Variants in PADI4 observed in about 807,000 individuals in gnomAD.
The protein encoded by PADI4 is peptidyl arginine deiminase 4, also known as protein-arginine deiminase type-4.
A neutral mutation model predicts 75.0 loss-of-function variants in PADI4; 62 were observed. The ratio of observed to expected loss-of-function variants is 0.83; its 90% CI spans 0.67 to 1.02. The LOEUF (loss-of-function observed/expected upper bound fraction) is 1.02. Ranked by LOEUF, PADI4 falls within the 50% of genes least tolerant of loss-of-function variation. PADI4 has a pLI of 0.00. For missense variants in PADI4, 845 were observed against 850.5 expected, an observed-to-expected ratio of 0.99 and a Z score of 0.08; for synonymous variants, 361 against 348.1, an observed-to-expected ratio of 1.04 and a Z score of -0.41.
Position 17,356,268 on chromosome 1 carries a change from T to A in PADI4, c.1456-89T>A. 1 of 1,256,948 alleles carries A rather than the reference T, an allele frequency of 8.0e-7. No homozygotes were observed. The highest frequency in any genetic ancestry group is 1.4e-5 in the South Asian group (1 of 71,996). The allele number at this position is 1,256,948 out of a possible 1,614,324, so 77.9% of individuals were successfully genotyped here. A position where few individuals can be genotyped will look rare whatever the true frequency, so the allele number is the denominator to read the frequency against. On this transcript the variant is annotated intron_variant, in intron 12 of 15. Transcript: ENST00000375448. The surrounding 1 kb of genome is among the most constrained non-coding windows in gnomAD (Gnocchi z 4.1). Reference sequence around the variant, plus strand: ...AGGAGGTGGCCAGCTTGGGTCCAAGTCCACACTACTCCCACCCTCAGCAGA... The same window carrying A: ...AGGAGGTGGCCAGCTTGGGTCCAAGACCACACTACTCCCACCCTCAGCAGA...
At chr1:17,315,382 G>T (rs539157121) in intron 1 of PADI4, among the ~76,000 whole-genome samples, 60 of 152,310 alleles carry the variant, frequency 3.9e-4, no homozygotes, top group African/African-American at 1.3e-3. Context: ...AGCAGGAAGG[G>T]TGTCATTCCT....
chr1:17,316,732 A>AATTAAAAT (rs2073946875), intron 1 of PADI4, among the ~76,000 whole-genome samples: 1 of 148,312 alleles, frequency 6.7e-6, no homozygotes. Flanking sequence ...TTAATTAATT[A>AATTAAAAT]AAATAAATAA....
chr1:17,362,938 T>G (rs1233616857), intron 15 of PADI4, among the ~76,000 whole-genome samples: 1 of 152,186 alleles, frequency 6.6e-6, no homozygotes, highest in Non-Finnish European at 1.5e-5. Flanking sequence ...GCAATTCTCC[T>G]GCCTCAGCCT....
At position 17,346,289 on chromosome 1, in the gene PADI4, G is replaced by C; in HGVS notation, c.1047+150G>C. 1.7e-6 allele frequency: 1 copy of C among 600,400 alleles called. No homozygotes were observed. Among genetic ancestry groups the C allele is most frequent in the South Asian group, 2.0e-5 (1 of 49,178 alleles). The allele number at this position is 600,400 out of a possible 1,614,324, so 37.2% of individuals were successfully genotyped here. Reference sequence around the variant, plus strand: ...TAGGAACCTGAGAGATCCTTGGGCCGGGAGGCTCAAGCAAGTGATTCATCT... The same window carrying C: ...TAGGAACCTGAGAGATCCTTGGGCCCGGAGGCTCAAGCAAGTGATTCATCT... On this transcript the variant is annotated intron_variant, in intron 9 of 15. Coordinates refer to ENST00000375448, the MANE Select transcript of PADI4 (RefSeq NM_012387.3). This position sits in a 1 kb window ranked among gnomAD's most constrained non-coding sequence, Gnocchi z 4.3.
chr1:17,337,381 G>A (rs1158309882), intron 4 of PADI4, among the ~76,000 whole-genome samples: 4 of 152,024 alleles, frequency 2.6e-5, no homozygotes, highest in Non-Finnish European at 5.9e-5. Flanking sequence ...CCTGACCTCA[G>A]GTGATCTGCC....
At chr1:17,349,738 C>CA (rs138371637) in intron 10 of PADI4, among the ~76,000 whole-genome samples, 8,586 of 104,698 alleles carry the variant, frequency 0.082, 1,423 homozygotes, top group African/African-American at 0.23. Context: ...GAAAAAACAA[C>CA]AACAAAAAAC....
At chr1:17,348,136 G>A (rs192760064) in intron 10 of PADI4, 88 bp downstream of exon 10, 25 of 804,954 alleles carry the variant, frequency 3.1e-5, no homozygotes, top group Middle Eastern at 4.5e-4. Flanking sequence ...CCCCGCCCGC[G>A]CCTGTAGCTG....
At chr1:17,319,571 C>T (rs1462278611) in intron 1 of PADI4, among the ~76,000 whole-genome samples, 2 of 152,080 alleles carry the variant, frequency 1.3e-5, no homozygotes, top group Non-Finnish European at 2.9e-5. Flanking sequence ...TATTAGTTTC[C>T]TATTTGTTAA....
intron 4 of PADI4, among the ~76,000 whole-genome samples, chr1:17,336,578 C>T (rs1038860481): frequency 9.9e-5 from 15 of 152,072 alleles, no homozygotes; most frequent in Non-Finnish European, 2.1e-4. Flanking sequence ...TTCTGCAGAG[C>T]TGTCTACATG....
At chr1:17,351,363 G>A (rs1230422450) in intron 10 of PADI4, among the ~76,000 whole-genome samples, 1 of 151,362 alleles carries the variant, frequency 6.6e-6, no homozygotes, top group African/African-American at 2.4e-5. Context: ...GGCCAAGGCT[G>A]GTGGATTACT....
chr1:17,330,098 G>A (rs2074182705), intron 1 of PADI4, among the ~76,000 whole-genome samples: 1 of 152,196 alleles, frequency 6.6e-6, no homozygotes, highest in African/African-American at 2.4e-5. Context: ...ACAGTGGCGT[G>A]GTGGAAACCT....
In PADI4 at chr1:17,346,203, C is replaced by T; in HGVS notation, c.1047+64C>T. Reference sequence around the variant, plus strand: ...AGGGCCAAGAGACACTTGGGGGACCCGGGCTCCTGGGGTTCAGCCTGGTGC... The same window carrying T: ...AGGGCCAAGAGACACTTGGGGGACCTGGGCTCCTGGGGTTCAGCCTGGTGC... On this transcript the variant is annotated intron_variant, in intron 9 of 15. Coordinates refer to ENST00000375448, the MANE Select transcript of PADI4 (RefSeq NM_012387.3). This position sits in a 1 kb window ranked among gnomAD's most constrained non-coding sequence, Gnocchi z 4.3. The T allele has an allele frequency of 4.6e-6, 5 of 1,085,020 alleles. No homozygotes were observed. Among genetic ancestry groups the T allele is most frequent in the Admixed American group, 1.9e-5 (1 of 52,578 alleles). The allele number at this position is 1,085,020 out of a possible 1,614,324, so 67.2% of individuals were successfully genotyped here.
chr1:17,334,207 T>C (rs1482276989), intron 3 of PADI4, 198 bp downstream of exon 3: 1 of 587,560 alleles, frequency 1.7e-6, no homozygotes, highest in Non-Finnish European at 3.1e-6. Flanking sequence ...AGAAATACAA[T>C]GTGGCAGTGG....
intron 1 of PADI4, among the ~76,000 whole-genome samples, chr1:17,326,563 G>A (rs2074120075): frequency 6.6e-6 from 1 of 152,058 alleles, no homozygotes; most frequent in Admixed American, 6.5e-5. Context: ...ATTATGATCA[G>A]AGACTCTGCT....
At chr1:17,317,069 A>G (rs2073953250) in intron 1 of PADI4, among the ~76,000 whole-genome samples, 1 of 152,154 alleles carries the variant, frequency 6.6e-6, no homozygotes, top group South Asian at 2.1e-4. Context: ...GGGGAACTCC[A>G]ATAGTACGTA....
intron 1 of PADI4, among the ~76,000 whole-genome samples, chr1:17,308,782 C>CGT (rs10693700): frequency 0.93 from 140,927 of 151,976 alleles, 66,255 homozygotes; most frequent in East Asian, 1. Flanking sequence ...GGCTCTGTGG[C>CGT]GGCAGAGACT....
At chr1:17,329,900 T>C (rs2074179981) in intron 1 of PADI4, among the ~76,000 whole-genome samples, 1 of 152,220 alleles carries the variant, frequency 6.6e-6, no homozygotes, top group African/African-American at 2.4e-5. Context: ...TATGTTTGTG[T>C]GCACATGAAG....
At position 17,312,170 on chromosome 1, in the gene PADI4, G is replaced by A. The variant is rs181339474; in HGVS notation, c.92+3856G>A. 3.1e-3 allele frequency among the ~76,000 whole-genome samples: 469 copies of A among 152,258 alleles called. 1 individual carries two copies. Among genetic ancestry groups the A allele is most frequent in the Non-Finnish European group, 5.4e-3 (366 of 68,012 alleles). ...CTTCAATATTTAAAGGGAAAAGAGT[G>A]GGAATTGGGCCGGATGTGGTGGCTC... On this transcript the variant is annotated intron_variant, in intron 1 of 15. Transcript: ENST00000375448.
chr1:17,358,889 A>C lies in PADI4; in HGVS notation c.1610A>C (p.Glu537Ala). ...KNILSNKTLR[E>A]HNSFVERCID... ...ATTCTGTCAAACAAGACATTGAGAG[A>C]ACATAATTCATTTGTGGAGGTAGGA... The change falls in exon 14 of 16, where the codon GAA becomes GCA. Residue 537 changes from glutamate (E) to alanine (A), a missense_variant. Glu to Ala is a moderately radical substitution (Grantham distance 107, BLOSUM62 -1). Transcript: ENST00000375448. 1.9e-6 allele frequency: 3 copies of C among 1,608,362 alleles called. No homozygotes were observed. The highest frequency in any genetic ancestry group is 2.5e-6 in the Non-Finnish European group (3 of 1,176,618).
Sources: allele counts gnomAD v4.1 joint callset (sites outside exome capture counted in the v4.1 genomes callset), GRCh38; gene constraint gnomAD v4.1.1; non-coding constraint Gnocchi (gnomAD v3.1); transcripts MANE v1.5; gene names NCBI Gene and HGNC (gene_info 2026-07-23, HGNC 2026-07-21).